TRIM65: variants seen among roughly 807,000 people sequenced by gnomAD.
TRIM65 encodes E3 ubiquitin-protein ligase TRIM65.
Under a neutral mutation model 36.1 loss-of-function variants are expected in TRIM65, and 46 were observed. That is an observed-to-expected ratio of 1.27 (90% CI 1.01 to 1.63). The LOEUF (loss-of-function observed/expected upper bound fraction) is 1.63, where lower values mean the gene tolerates loss of function less well. Ranked by LOEUF, TRIM65 falls within the 40% of genes most tolerant of loss-of-function variation. The pLI is 0.00. For missense variants in TRIM65, 708 were observed against 696.6 expected, an observed-to-expected ratio of 1.02 and a Z score of -0.18; for synonymous variants, 346 against 313.6, an observed-to-expected ratio of 1.10 and a Z score of -1.09.
At chr17:75,884,255 C>T (rs1265784128), downstream of TRIM65, among the ~76,000 whole-genome samples, 2 of 152,002 alleles carry the variant, frequency 1.3e-5, no homozygotes, top group Non-Finnish European at 2.9e-5. Context: ...GTGGGGAGTT[C>T]AGGACCAGCC....
chr17:75,882,987 A>G (rs76507280), intron 4 of TRIM65, among the ~76,000 whole-genome samples: 2 of 149,348 alleles, frequency 1.3e-5, no homozygotes, highest in Admixed American at 1.3e-4. Context: ...CTGGAAAAAA[A>G]AAAAACAAAA....
At chr17:75,893,857 CCT>C (rs1240822349) in intron 1 of TRIM65, among the ~76,000 whole-genome samples, 1 of 152,084 alleles carries the variant, frequency 6.6e-6, no homozygotes, top group East Asian at 1.9e-4. Flanking sequence ...ACTGGCTGCC[CCT>C]GTCGCTCCCT....
chr17:75,886,812 G>A (rs1027893005), downstream of TRIM65, among the ~76,000 whole-genome samples: 2 of 152,078 alleles, frequency 1.3e-5, no homozygotes, highest in Non-Finnish European at 2.9e-5. Context: ...AATCAAACAC[G>A]TCCCCTTTCC....
chr17:75,890,887 G>C lies in TRIM65; in HGVS notation c.1446C>G (p.Asn482Lys). 2 of 1,534,074 alleles carry C rather than the reference G, an allele frequency of 1.3e-6. No individual in the cohort carries two copies. Among genetic ancestry groups the C allele is most frequent in the Non-Finnish European group, 1.7e-6 (2 of 1,143,820 alleles). Reference sequence around the variant, plus strand: ...GCCAGAAGACGGGGGTGAGGGGCTGGTTGAAGAGGGCATGGAAGGTGTACA... The same window carrying C: ...GCCAGAAGACGGGGGTGAGGGGCTGCTTGAAGAGGGCATGGAAGGTGTACA... ...QPLYTFHALF[N>K]QPLTPVFWLL... The change falls in exon 6 of 6, where the codon AAC (asparagine) becomes AAG (lysine). Residue 482 changes from asparagine to lysine, a missense_variant. Transcript: ENST00000269383.
At position 75,896,933 on chromosome 17, in the gene TRIM65, G is replaced by T; in HGVS notation, c.5C>A (p.Ala2Asp). The change falls in exon 1 of 6, where the codon GCC becomes GAC. Residue 2 changes from alanine to aspartate, a missense_variant. Ala to Asp is a moderately radical substitution (Grantham distance 126). Coordinates refer to ENST00000269383, the MANE Select transcript of TRIM65 (RefSeq NM_173547.4). ...CAGCTTCTCCTCCAGCAGCTGCGCGGCCATGGCCCGGCGGCGGCGAGAGCC... is the reference window on the plus strand; with the variant it reads ...CAGCTTCTCCTCCAGCAGCTGCGCGTCCATGGCCCGGCGGCGGCGAGAGCC... MAAQLLEEKLTC... is the reference protein window; with the variant it reads MDAQLLEEKLTC... The T allele has an allele frequency of 6.7e-7, 1 of 1,495,052 alleles. No homozygotes were observed. The highest frequency in any genetic ancestry group is 8.9e-7 in the Non-Finnish European group (1 of 1,127,416). The allele number at this position is 1,495,052 out of a possible 1,614,324, so 92.6% of individuals were successfully genotyped here.
chr17:75,892,589 G>T (rs1194104546), intron 2 of TRIM65, 89 bp from the exon 3 acceptor site: 8 of 1,349,292 alleles, frequency 5.9e-6, no homozygotes, highest in Non-Finnish European at 8.2e-6. Context: ...CTGGGCTGAG[G>T]GTCAGGGATG....
Position 75,891,997 on chromosome 17 carries a change from G to A in TRIM65, c.919+14C>T. Reference sequence around the variant, plus strand: ...GACCCAGGACAGCAGGGGGAGGCCTGGGGTCAGTCTTACCCACGGGGGCTA... The same window carrying A: ...GACCCAGGACAGCAGGGGGAGGCCTAGGGTCAGTCTTACCCACGGGGGCTA... On this transcript the variant is annotated intron_variant, in intron 4 of 5. Coordinates refer to ENST00000269383, the MANE Select transcript of TRIM65 (RefSeq NM_173547.4). 3 of 1,551,754 alleles carry A rather than the reference G, an allele frequency of 1.9e-6. No individual in the cohort carries two copies. Among genetic ancestry groups the A allele is most frequent in the Non-Finnish European group, 2.6e-6 (3 of 1,146,682 alleles).
At chr17:75,892,988 G>T (rs1041567739) in intron 1 of TRIM65, 138 bp from the exon 2 acceptor site, 42 of 719,202 alleles carry the variant, frequency 5.8e-5, no homozygotes, top group Non-Finnish European at 9.0e-5. Flanking sequence ...CCAGAGCACC[G>T]GCCTCGGTCT....
downstream of TRIM65, among the ~76,000 whole-genome samples, chr17:75,886,239 C>T (rs932037394): frequency 1.3e-5 from 2 of 152,080 alleles, no homozygotes; most frequent in Admixed American, 6.6e-5. Context: ...AACCTCTTTC[C>T]TGGCTAGGCG....
intron 4 of TRIM65, among the ~76,000 whole-genome samples, chr17:75,881,020 C>A (rs1315726927): frequency 6.7e-6 from 1 of 149,888 alleles, no homozygotes; most frequent in Non-Finnish European, 1.5e-5. Flanking sequence ...CTGAGGCGGG[C>A]GGATCACTTG....
chr17:75,886,386 G>C (rs2065207165), downstream of TRIM65, among the ~76,000 whole-genome samples: 1 of 152,012 alleles, frequency 6.6e-6, no homozygotes, highest in Non-Finnish European at 1.5e-5. Flanking sequence ...GCCGGGCGTG[G>C]TGGCGGGCAC....
At position 75,893,307 on chromosome 17, in the gene TRIM65, C is replaced by T. The variant is rs146541277; in HGVS notation, c.415-457G>A. On this transcript the variant is annotated intron_variant, in intron 1 of 5. Coordinates refer to ENST00000269383, the MANE Select transcript of TRIM65 (RefSeq NM_173547.4). Reference sequence around the variant, plus strand: ...GTCAGTGGCCCAGGAGGCCCTGGGGCTTGAGAAGCTGACTGCAGGGACCTC... The same window carrying T: ...GTCAGTGGCCCAGGAGGCCCTGGGGTTTGAGAAGCTGACTGCAGGGACCTC... Among the ~76,000 whole-genome samples the T allele has an allele frequency of 4.0e-3, 608 of 152,308 alleles. 5 individuals are homozygous for T. Among genetic ancestry groups the T allele is most frequent in the African/African-American group, 0.014 (568 of 41,570 alleles).
rs374048913 is a variant in TRIM65, at chr17:75,891,882, G to T, written c.920-4C>A. On this transcript the variant is annotated splice_polypyrimidine_tract_variant and splice_region_variant and intron_variant, in intron 4 of 5. Coordinates refer to ENST00000269383, the MANE Select transcript of TRIM65 (RefSeq NM_173547.4). ...GGTGCCAGGGGACCTGGGGCCTCTA[G>T]GGGGCAAAGCAGTGTTAAGGGAATG... 13 of 1,610,534 alleles carry T rather than the reference G, an allele frequency of 8.1e-6. No individual in the cohort carries two copies. The highest frequency in any genetic ancestry group is 1.1e-5 in the Non-Finnish European group (13 of 1,178,416).
intron 2 of TRIM65, 110 bp downstream of exon 2, chr17:75,892,645 G>A: frequency 8.0e-7 from 1 of 1,254,310 alleles, no homozygotes; most frequent in Non-Finnish European, 1.1e-6. Flanking sequence ...CCTGTGCCCA[G>A]CTCCCTGCTC....
At chr17:75,896,164 T>A (rs927714141) in intron 1 of TRIM65, among the ~76,000 whole-genome samples, 1 of 152,216 alleles carries the variant, frequency 6.6e-6, no homozygotes, top group Non-Finnish European at 1.5e-5. Context: ...CACGCCATTC[T>A]CCTGCCTCAG....
downstream of TRIM65, among the ~76,000 whole-genome samples, chr17:75,884,938 C>CTTT (rs534194648): frequency 2.2e-5 from 3 of 135,898 alleles, no homozygotes; most frequent in Non-Finnish European, 3.2e-5. Flanking sequence ...ACTTGAGTTC[C>CTTT]TTTTTTTTTT....
downstream of TRIM65, among the ~76,000 whole-genome samples, chr17:75,884,327 C>T (rs766853033): frequency 7.4e-5 from 11 of 148,568 alleles, no homozygotes; most frequent in Non-Finnish European, 1.3e-4. Flanking sequence ...GGCGTGGTGG[C>T]ACATGCCTGT....
In TRIM65 at chr17:75,890,644, C is replaced by T. The variant is rs1345292639; in HGVS notation, c.*135G>A. ...GTGAACTCTGCGTTTATGCTCACCT[C>T]CCCCAACCTCCCATCTCTTTCTGAG... On this transcript the variant is annotated 3_prime_UTR_variant, in exon 6 of 6. Transcript: ENST00000269383. The T allele has an allele frequency of 4.1e-6, 3 of 731,768 alleles. No homozygotes were observed. The highest frequency in any genetic ancestry group is 6.3e-6 in the Non-Finnish European group (3 of 475,770). The allele number at this position is 731,768 out of a possible 1,614,324, so 45.3% of individuals were successfully genotyped here.
rs116268853 is a variant in TRIM65 at position 75,894,263 on chromosome 17, T to C, written c.415-1413A>G. ...CCCTTCCTGTCCCATCCAGCGTCCC[T>C]GCGCCATCCTCCATCCACGCCTTAG... is the stretch of plus-strand genomic sequence containing the variant. On this transcript the variant is annotated intron_variant, in intron 1 of 5. Coordinates refer to ENST00000269383, the MANE Select transcript of TRIM65 (RefSeq NM_173547.4). Among the ~76,000 whole-genome samples, 318 of 152,080 alleles carry C rather than the reference T, an allele frequency of 2.1e-3. 5 individuals carry two copies. Among genetic ancestry groups the C allele is most frequent in the African/African-American group, 7.3e-3 (303 of 41,516 alleles).
Sources: gnomAD v4.1 joint callset for allele counts (sites outside exome capture counted in the v4.1 genomes callset) on GRCh38, gnomAD v4.1.1 for gene constraint, MANE v1.5 for transcripts, NCBI Gene and HGNC (gene_info 2026-07-23, HGNC 2026-07-21) for gene names.